ABCG1: variants seen among roughly 807,000 people sequenced by gnomAD.
ABCG1 encodes the protein ATP-binding cassette sub-family G member 1.
Under a neutral mutation model 69.2 loss-of-function variants are expected in ABCG1, and 29 were observed. The observed-to-expected ratio is 0.42, with a 90% confidence interval of 0.31 to 0.57. The LOEUF (loss-of-function observed/expected upper bound fraction) is 0.57. Ranked by LOEUF, ABCG1 falls within the 20% of genes least tolerant of loss-of-function variation. The probability of loss-of-function intolerance (pLI) is 0.15; values close to 1 mark genes in which losing one functional copy is unlikely to be tolerated. For synonymous variants in ABCG1, 370 were observed against 374.8 expected, an observed-to-expected ratio of 0.99 and a Z score of 0.15; for missense variants, 718 against 898.1, an observed-to-expected ratio of 0.80 and a Z score of 2.56.
At chr21:42,211,920 A>G (rs1207481179), upstream of ABCG1, among the ~76,000 whole-genome samples, 2 of 151,978 alleles carry the variant, frequency 1.3e-5, no homozygotes, top group Admixed American at 6.6e-5. Flanking sequence ...AAACAAAACA[A>G]AACAATAACA....
At position 42,292,352 on chromosome 21, in the gene ABCG1, A is replaced by G. The variant is rs377017647; in HGVS notation, c.1653+696A>G. ...GCCCTCACCTTAGATGAGGACTGCC[A>G]TGGAGCCCATCTCACAAGGCTGCCA... is the stretch of plus-strand genomic sequence containing the variant. On this transcript the variant is annotated intron_variant, in intron 13 of 14. Coordinates refer to ENST00000398449, the MANE Select transcript of ABCG1 (RefSeq NM_016818.3). Among the ~76,000 whole-genome samples, 260 of 152,158 alleles carry G rather than the reference A, an allele frequency of 1.7e-3. 1 individual carries two copies. The highest frequency in any genetic ancestry group is 6.0e-3 in the African/African-American group (250 of 41,476).
rs2067685487 is a variant in ABCG1 at position 42,219,448 on chromosome 21, C to T, written c.42+144C>T. 2 of 1,215,858 alleles carry T rather than the reference C, an allele frequency of 1.6e-6. No individual in the cohort carries two copies. 75.3% of individuals were successfully genotyped at this position (1,215,858 alleles called of 1,614,324 possible). A position where few individuals can be genotyped will look rare whatever the true frequency, so the allele number is the denominator to read the frequency against. On this transcript the variant is annotated intron_variant, in intron 1 of 14. Transcript: ENST00000398449. The surrounding 1 kb of genome is among the most constrained non-coding windows in gnomAD (Gnocchi z 5.3). ...TGACCCAGGGCACCCTAGAGTGGCG[C>T]CCGGCTCCGATCGCTGCCCCTGCCC...
chr21:42,225,472 T>G (rs938681028), intron 1 of ABCG1, among the ~76,000 whole-genome samples, 199 bp from the exon 2 acceptor site: 1 of 152,212 alleles, frequency 6.6e-6, no homozygotes, highest in Admixed American at 6.5e-5. Flanking sequence ...CCTTAAGCAT[T>G]TTTTAATAGA....
rs2067688159 is a variant in ABCG1, at chr21:42,219,624, T to G, written c.42+320T>G. 2.2e-5 allele frequency among the ~76,000 whole-genome samples: 3 copies of G among 137,024 alleles called. No homozygotes were observed. Among genetic ancestry groups the G allele is most frequent in the Admixed American group, 7.3e-5 (1 of 13,720 alleles). 89.9% of individuals were successfully genotyped at this position (137,024 alleles called of 152,430 possible). Reference sequence around the variant, plus strand: ...CCTGATGGCTTCTGGGCGGGGGGCGTGGGGAGCTGGGGACCCGGAGCGCAC... The same window carrying G: ...CCTGATGGCTTCTGGGCGGGGGGCGGGGGGAGCTGGGGACCCGGAGCGCAC... On this transcript the variant is annotated intron_variant, in intron 1 of 14. Coordinates refer to ENST00000398449, the MANE Select transcript of ABCG1 (RefSeq NM_016818.3). This position sits in a 1 kb window ranked among gnomAD's most constrained non-coding sequence, Gnocchi z 5.3.
chr21:42,210,076 T>C (rs1276660280), intron 2 of ABCG1, among the ~76,000 whole-genome samples: 3 of 152,206 alleles, frequency 2.0e-5, no homozygotes, highest in African/African-American at 7.2e-5. Context: ...TCTACTTCCC[T>C]GGGGGTGTTT....
At position 42,241,620 on chromosome 21, in the gene ABCG1, C is replaced by CA. The variant is rs11330762; in HGVS notation, c.286+15716dup. 3.4e-4 allele frequency among the ~76,000 whole-genome samples: 49 copies of CA among 144,418 alleles called. 1 individual carries two copies. Among genetic ancestry groups the CA allele is most frequent in the Admixed American group, 5.5e-4 (8 of 14,570 alleles). 94.7% of individuals were successfully genotyped at this position (144,418 alleles called of 152,430 possible). A position where few individuals can be genotyped will look rare whatever the true frequency, so the allele number is the denominator to read the frequency against. On this transcript the variant is annotated intron_variant, in intron 2 of 14. Transcript: ENST00000398449. ...ACCCTGTCTCAAAAAAAAAAAATAA[C>CA]AAAAAAAAAACAAAACCCAAAATCC...
In ABCG1 at chr21:42,287,824, C is replaced by T. The variant is rs1197019418; in HGVS notation, c.974-65C>T. On this transcript the variant is annotated intron_variant, in intron 8 of 14. Transcript: ENST00000398449. The surrounding 1 kb of genome is among the most constrained non-coding windows in gnomAD (Gnocchi z 6.2). The stretch of plus-strand genomic sequence containing the variant: ...ACATTCCCACTTGAATAACGACTTT[C>T]GCATTTGGGTGGTTGGGGTGTCCTT... 2.7e-6 allele frequency: 4 copies of T among 1,471,904 alleles called. No individual in the cohort carries two copies. The highest frequency in any genetic ancestry group is 3.6e-6 in the Non-Finnish European group (4 of 1,098,518). 91.2% of individuals were successfully genotyped at this position (1,471,904 alleles called of 1,614,324 possible).
rs545153621 is a variant in ABCG1, at chr21:42,276,766, C to A, written c.538-129C>A. On this transcript the variant is annotated intron_variant, in intron 4 of 14. Transcript: ENST00000398449. The surrounding 1 kb of genome is among the most constrained non-coding windows in gnomAD (Gnocchi z 5.3). ...GCTAGCTGCACTGTGGGTAGCTGCA[C>A]CGTGGCTAGTGGCACTGTGGCTAGC... 1.7e-5 allele frequency: 15 copies of A among 893,460 alleles called. No homozygotes were observed. Among genetic ancestry groups the A allele is most frequent in the Non-Finnish European group, 5.5e-6 (3 of 549,910 alleles). The allele number at this position is 893,460 out of a possible 1,614,324, so 55.3% of individuals were successfully genotyped here. A position where few individuals can be genotyped will look rare whatever the true frequency, so the allele number is the denominator to read the frequency against.
intron 2 of ABCG1, chr21:42,259,431 G>T: frequency 6.5e-7 from 1 of 1,549,730 alleles, no homozygotes; most frequent in Non-Finnish European, 8.7e-7. Context: ...AGCTCTTCAG[G>T]GAAAAAGGGT....
intron 4 of ABCG1, among the ~76,000 whole-genome samples, chr21:42,274,438 G>C (rs141828539): frequency 6.7e-6 from 1 of 150,340 alleles, no homozygotes; most frequent in African/African-American, 2.5e-5. Context: ...GACAGACCGC[G>C]ACCCAGCCAA....
chr21:42,296,537 C>A lies in ABCG1; in HGVS notation c.*145C>A. 1.5e-6 allele frequency: 1 copy of A among 687,356 alleles called. No homozygotes were observed. 42.6% of individuals were successfully genotyped at this position (687,356 alleles called of 1,614,324 possible). A position where few individuals can be genotyped will look rare whatever the true frequency, so the allele number is the denominator to read the frequency against. Reference sequence around the variant, plus strand: ...AACCGCGTTGGGTTTGTGGGTGTCTCGTGCTCAGCCACTCTGCCCAGCTGG... The same window carrying A: ...AACCGCGTTGGGTTTGTGGGTGTCTAGTGCTCAGCCACTCTGCCCAGCTGG... On this transcript the variant is annotated 3_prime_UTR_variant, in exon 15 of 15. Coordinates refer to ENST00000398449, the MANE Select transcript of ABCG1 (RefSeq NM_016818.3). The surrounding 1 kb of genome is among the most constrained non-coding windows in gnomAD (Gnocchi z 5.4).
chr21:42,201,537 G>T, intron 1 of ABCG1: 1 of 1,368,420 alleles, frequency 7.3e-7, no homozygotes, highest in Non-Finnish European at 9.9e-7. Context: ...GTTAATCTGA[G>T]TGAGCTTCAT....
At chr21:42,221,045 A>G (rs2067717694) in intron 1 of ABCG1, 5 of 152,222 alleles carry the variant, frequency 3.3e-5, no homozygotes, top group Admixed American at 3.3e-4. Context: ...CCGGAGCTCA[A>G]CTGTCTTGTT....
chr21:42,273,467 C>G lies in ABCG1; in HGVS notation c.537+32C>G. 1 of 1,574,840 alleles carries G rather than the reference C, an allele frequency of 6.3e-7. No individual in the cohort carries two copies. Among genetic ancestry groups the G allele is most frequent in the Non-Finnish European group, 8.7e-7 (1 of 1,152,194 alleles). ...TCCGCCCTGCCCCGCCCCACTCCGC[C>G]CCTGCCGCCTGTCCCCAGCGCCCAC... On this transcript the variant is annotated intron_variant, in intron 4 of 14. Coordinates refer to ENST00000398449, the MANE Select transcript of ABCG1 (RefSeq NM_016818.3). This position sits in a 1 kb window ranked among gnomAD's most constrained non-coding sequence, Gnocchi z 5.3.
chr21:42,266,165 G>T (rs2068501249), intron 2 of ABCG1, among the ~76,000 whole-genome samples: 1 of 152,134 alleles, frequency 6.6e-6, no homozygotes, highest in African/African-American at 2.4e-5. Flanking sequence ...GCCTGGCATG[G>T]TGGTGCGCAC....
intron 2 of ABCG1, among the ~76,000 whole-genome samples, chr21:42,236,325 G>C (rs2067978151): frequency 6.6e-6 from 1 of 152,230 alleles, no homozygotes; most frequent in African/African-American, 2.4e-5. Context: ...ATCTATTACA[G>C]TTTTGTGTGT....
chr21:42,203,072 G>C (rs1444350028), intron 2 of ABCG1, among the ~76,000 whole-genome samples: 1 of 152,180 alleles, frequency 6.6e-6, no homozygotes, highest in Non-Finnish European at 1.5e-5. Flanking sequence ...AAGCGCTGCT[G>C]ATGCATTTGG....
chr21:42,287,725 G>A lies in ABCG1; in HGVS notation c.974-164G>A, dbSNP rs770087335. Among the ~76,000 whole-genome samples the A allele has an allele frequency of 1.2e-4, 19 of 152,218 alleles. No homozygotes were observed. The highest frequency in any genetic ancestry group is 2.2e-4 in the African/African-American group (9 of 41,458). ...GGCCTTGCTGGGGGGTTTGAGAGCC[G>A]CACGCTGGTTGATAAATGATTTTGA... On this transcript the variant is annotated intron_variant, in intron 8 of 14. Transcript: ENST00000398449. This position sits in a 1 kb window ranked among gnomAD's most constrained non-coding sequence, Gnocchi z 6.2.
intron 2 of ABCG1, among the ~76,000 whole-genome samples, chr21:42,249,382 G>A (rs1295196142): frequency 1.3e-5 from 2 of 152,154 alleles, no homozygotes; most frequent in African/African-American, 4.8e-5. Context: ...GGACTCCGGA[G>A]CCAGACCACT....
Sources: gnomAD v4.1 joint callset for allele counts (sites outside exome capture counted in the v4.1 genomes callset) on GRCh38, gnomAD v4.1.1 for gene constraint, Gnocchi (gnomAD v3.1) non-coding constraint, MANE v1.5 for transcripts, NCBI Gene and HGNC (gene_info 2026-07-23, HGNC 2026-07-21) for gene names.